Variants in SNX29 observed in about 807,000 individuals in gnomAD.
SNX29 encodes sorting nexin 29.
SNX29 carries 78 observed loss-of-function variants against 102.1 expected under a neutral mutation model. The observed-to-expected ratio is 0.76, with a 90% CI of 0.64 to 0.92. The LOEUF (loss-of-function observed/expected upper bound fraction) is 0.92, where lower values mean the gene tolerates loss of function less well. Ranked by LOEUF, SNX29 falls within the 40% of genes least tolerant of loss-of-function variation. SNX29 has a pLI of 0.00. For missense variants in SNX29, 1,280 were observed against 1,061.7 expected, an observed-to-expected ratio of 1.21 and a Z score of -2.86; for synonymous variants, 580 against 414.5, an observed-to-expected ratio of 1.40 and a Z score of -4.85.
At chr16:12,370,195 C>A (rs893551153) in intron 16 of SNX29, among the ~76,000 whole-genome samples, 14 of 152,228 alleles carry the variant, frequency 9.2e-5, no homozygotes, top group African/African-American at 3.4e-4. Context: ...GCACTCTAGC[C>A]TGAGAGACAG....
chr16:12,552,252 T>TA (rs34673506), intron 20 of SNX29, among the ~76,000 whole-genome samples: 22,978 of 152,178 alleles, frequency 0.15, 2,138 homozygotes, highest in Admixed American at 0.26. Context: ...CTTTGCCTCC[T>TA]AGGGGCTCGT....
At chr16:12,373,218 C>T (rs917935097) in intron 16 of SNX29, among the ~76,000 whole-genome samples, 4 of 152,164 alleles carry the variant, frequency 2.6e-5, no homozygotes, top group East Asian at 1.9e-4. Flanking sequence ...CTGCAGCCTC[C>T]GACTTGTGGG....
rs1596690405 is a variant in SNX29 at position 12,048,314 on chromosome 16, G to A, written c.500-58G>A. The A allele has an allele frequency of 5.6e-6, 9 of 1,612,536 alleles. 1 individual carries two copies. The East Asian group carries it at 1.1e-4, about 20-fold the overall frequency. On this transcript the variant is annotated intron_variant, in intron 6 of 20. Transcript: ENST00000566228. ...CTGTTGTCTGCAGCTGTCTTCTCTT[G>A]TTGCTGGTATGACTGCCCATCAGCA...
At chr16:12,459,855 G>A (rs74009079) in intron 18 of SNX29, among the ~76,000 whole-genome samples, 7,418 of 152,184 alleles carry the variant, frequency 0.049, 291 homozygotes, top group East Asian at 0.19. Context: ...TTTCCCCAAA[G>A]CCATAGTGAA....
At chr16:12,050,462 G>C (rs1263375528) in intron 7 of SNX29, among the ~76,000 whole-genome samples, 1 of 152,168 alleles carries the variant, frequency 6.6e-6, no homozygotes, top group South Asian at 2.1e-4. Flanking sequence ...GGGTTGGCAT[G>C]GTGGCTCTTC....
Position 12,291,953 on chromosome 16 carries a change from C to T in SNX29, c.1782+13917C>T, listed in dbSNP as rs531834876. On this transcript the variant is annotated intron_variant, in intron 15 of 20. Coordinates refer to ENST00000566228, the MANE Select transcript of SNX29 (RefSeq NM_032167.5). ...GCCCTCTCCCTTGCCTTCGGGTGCT[C>T]ACAGCCTACTAGTAGAGTTAGCGTC... Among the ~76,000 whole-genome samples the T allele has an allele frequency of 2.0e-4, 31 of 152,302 alleles. 1 individual carries two copies. The South Asian group carries it at 5.8e-3, about 29-fold the overall frequency.
chr16:12,133,945 C>T (rs1483739423), intron 13 of SNX29, among the ~76,000 whole-genome samples: 2 of 152,162 alleles, frequency 1.3e-5, no homozygotes, highest in Admixed American at 6.6e-5. Context: ...ATTACACATT[C>T]CTTTTGCTAA....
At chr16:12,141,509 G>A (rs1246995393) in intron 13 of SNX29, among the ~76,000 whole-genome samples, 3 of 152,226 alleles carry the variant, frequency 2.0e-5, no homozygotes, top group Admixed American at 6.5e-5. Flanking sequence ...CAGAGCAGCG[G>A]CATGGACCAA....
intron 14 of SNX29, among the ~76,000 whole-genome samples, chr16:12,275,107 G>C (rs2079204680): frequency 6.6e-6 from 1 of 152,170 alleles, no homozygotes. Flanking sequence ...TGTTGGAATG[G>C]GGTTAGAAAT....
At chr16:12,436,234 C>T (rs567953505) in intron 18 of SNX29, among the ~76,000 whole-genome samples, 1 of 152,294 alleles carries the variant, frequency 6.6e-6, no homozygotes, top group East Asian at 1.9e-4. Context: ...GGCCACGCCT[C>T]CTCCCTGGGC....
chr16:12,346,537 G>A (rs576142536), intron 15 of SNX29, among the ~76,000 whole-genome samples: 63 of 152,126 alleles, frequency 4.1e-4, no homozygotes, highest in African/African-American at 1.5e-3. Context: ...TGCCTCTGGC[G>A]TTCGCACCAC....
chr16:12,315,748 C>T (rs1596875520), intron 15 of SNX29, among the ~76,000 whole-genome samples: 1 of 152,266 alleles, frequency 6.6e-6, no homozygotes, highest in Middle Eastern at 3.4e-3. Flanking sequence ...ATTTTGTTAC[C>T]ACAGCCCTAA....
chr16:12,003,201 T>C (rs2056350130), intron 3 of SNX29, among the ~76,000 whole-genome samples, 158 bp downstream of exon 3: 1 of 152,142 alleles, frequency 6.6e-6, no homozygotes, highest in African/African-American at 2.4e-5. Flanking sequence ...AGCGCTGAAA[T>C]TTGACTCAAC....
At position 12,048,555 on chromosome 16, in the gene SNX29, C is replaced by T. The variant is rs2050180103; in HGVS notation, c.683C>T (p.Ser228Phe). ...GAGATCACAGCCTCCTCTGCCGTCT[C>T]CATCCTCATCAAACCTGAACAGGAG... ...FREITASSAV[S>F]ILIKPEQETD... is the part of the protein sequence containing the mutation. Residue 228 changes from serine (S) to phenylalanine (F), a missense_variant, in exon 7 of 21, where the codon TCC becomes TTC. Ser to Phe is a radical substitution (Grantham distance 155). Transcript: ENST00000566228. The T allele has an allele frequency of 1.2e-6, 2 of 1,613,930 alleles. No individual in the cohort carries two copies. The highest frequency in any genetic ancestry group is 1.7e-6 in the Non-Finnish European group (2 of 1,179,856).
chr16:12,504,755 A>G (rs191826116), intron 19 of SNX29, among the ~76,000 whole-genome samples: 5 of 152,338 alleles, frequency 3.3e-5, no homozygotes, highest in African/African-American at 9.6e-5. Context: ...AGACTTTGTC[A>G]TAAGTATGTA....
intron 19 of SNX29, among the ~76,000 whole-genome samples, chr16:12,502,031 G>A (rs768211094): frequency 6.6e-6 from 1 of 152,160 alleles, no homozygotes; most frequent in African/African-American, 2.4e-5. Flanking sequence ...TACTGCCACT[G>A]CAATGGAAAG....
chr16:12,388,733 C>T (rs761419992), intron 16 of SNX29, among the ~76,000 whole-genome samples: 1 of 152,184 alleles, frequency 6.6e-6, no homozygotes, highest in Non-Finnish European at 1.5e-5. Context: ...TAGTTGCTGA[C>T]CCCTGATGTA....
At chr16:12,537,679 C>G (rs186242296) in intron 20 of SNX29, among the ~76,000 whole-genome samples, 1 of 152,140 alleles carries the variant, frequency 6.6e-6, no homozygotes, top group Non-Finnish European at 1.5e-5. Context: ...CTTTTTTAAA[C>G]ATTGGAGCAT....
intron 20 of SNX29, among the ~76,000 whole-genome samples, chr16:12,556,987 A>T (rs12444326): frequency 4.1e-5 from 6 of 145,296 alleles, no homozygotes; most frequent in African/African-American, 1.3e-4. Context: ...TAGCTGGACA[A>T]CAGGTACACA....
Sources: allele counts gnomAD v4.1 joint callset (sites outside exome capture counted in the v4.1 genomes callset), GRCh38; gene constraint gnomAD v4.1.1; transcripts MANE v1.5; gene names NCBI Gene and HGNC (gene_info 2026-07-23, HGNC 2026-07-21).